The following ANKFY1 variants were observed in gnomAD, a reference collection of about 807,000 sequenced individuals.
ANKFY1 encodes the protein ankyrin repeat and FYVE domain containing 1, also known as ankyrin repeat and FYVE domain-containing protein 1.
A neutral mutation model predicts 128.3 loss-of-function variants in ANKFY1; 47 were observed. The ratio of observed to expected loss-of-function variants is 0.37; its 90% confidence interval spans 0.29 to 0.47. The LOEUF (loss-of-function observed/expected upper bound fraction) is 0.47, where lower values mean the gene tolerates loss of function less well. Ranked by LOEUF, ANKFY1 falls within the 20% of genes least tolerant of loss-of-function variation. The pLI, the probability that ANKFY1 is intolerant of heterozygous loss-of-function variation, is 1.00. For missense variants in ANKFY1, 1,222 were observed against 1,510.6 expected (o/e 0.81, Z 3.17); for synonymous variants, 553 against 601.6 (o/e 0.92, Z 1.18).
At chr17:4,229,117 T>C (rs1171293395) in intron 3 of ANKFY1, among the ~76,000 whole-genome samples, 1 of 152,182 alleles carries the variant, frequency 6.6e-6, no homozygotes, top group Non-Finnish European at 1.5e-5. Flanking sequence ...AAAAAAGTCA[T>C]AGTCTTAACC....
At chr17:4,194,458 C>CCT (rs1555627772) in intron 10 of ANKFY1, 1 of 101,938 alleles carries the variant, frequency 9.8e-6, no homozygotes. Flanking sequence ...TAATATCCAT[C>CCT]TTTTTTTTTT....
At chr17:4,210,706 C>T (rs1430856970) in intron 4 of ANKFY1, among the ~76,000 whole-genome samples, 3 of 2,834 alleles carry the variant, frequency 1.1e-3, no homozygotes, top group Non-Finnish European at 0.011. Context: ...AAAACTCTGT[C>T]GCAAAAAAAA....
chr17:4,228,543 G>A (rs1398719628), intron 3 of ANKFY1, among the ~76,000 whole-genome samples: 1 of 151,974 alleles, frequency 6.6e-6, no homozygotes, highest in Admixed American at 6.6e-5. Context: ...AGCCTCCCAA[G>A]TAGCTGAGAT....
intron 3 of ANKFY1, among the ~76,000 whole-genome samples, chr17:4,225,097 T>C (rs1435955873): frequency 6.6e-6 from 1 of 151,500 alleles, no homozygotes; most frequent in Admixed American, 6.6e-5. Context: ...GGCTCACACC[T>C]GTAATCCCAG....
chr17:4,194,787 T>C (rs2059786725), intron 10 of ANKFY1, 191 bp downstream of exon 10: 1 of 599,820 alleles, frequency 1.7e-6, no homozygotes, highest in African/African-American at 1.9e-5. Context: ...ACTTGATGTC[T>C]GCTCAATTGT....
intron 6 of ANKFY1, among the ~76,000 whole-genome samples, chr17:4,206,812 C>T (rs1347634232): frequency 2.6e-5 from 4 of 152,164 alleles, no homozygotes; most frequent in African/African-American, 9.7e-5. Context: ...TTACGGTGAA[C>T]AGCTAATGTT....
rs754744722 is a variant in ANKFY1 at position 4,170,751 on chromosome 17, G to C, written c.3250C>G (p.Gln1084Glu). Residue 1084 changes from glutamine to glutamate, a missense_variant, in exon 23 of 25, where the codon CAG (glutamine) becomes GAG (glutamate). Gln to Glu is a conservative substitution (Grantham distance 29). Transcript: ENST00000341657. Reference sequence around the variant, plus strand: ...AACAGGAGCTGCTTGGTGGCGACCTGGTAGTTGAAGATGTTGACTCCCTGG... The same window carrying C: ...AACAGGAGCTGCTTGGTGGCGACCTCGTAGTTGAAGATGTTGACTCCCTGG... ...NNQGVNIFNY[Q>E]VATKQLLFRL... The C allele has an allele frequency of 1.9e-6, 3 of 1,613,758 alleles. No homozygotes were observed. Among genetic ancestry groups the C allele is most frequent in the East Asian group, 2.2e-5 (1 of 44,900 alleles).
intron 10 of ANKFY1, among the ~76,000 whole-genome samples, chr17:4,193,350 G>A (rs1168966679): frequency 6.6e-6 from 1 of 150,500 alleles, no homozygotes; most frequent in African/African-American, 2.4e-5. Context: ...CCAACTCCTG[G>A]CCTCAAGCAA....
At chr17:4,199,593 T>C (rs1056822341) in intron 7 of ANKFY1, among the ~76,000 whole-genome samples, 1 of 152,178 alleles carries the variant, frequency 6.6e-6, no homozygotes, top group Non-Finnish European at 1.5e-5. Context: ...GGCCAAGAAT[T>C]AAGATGAAAA....
chr17:4,258,248 G>C (rs964605348), intron 1 of ANKFY1, among the ~76,000 whole-genome samples: 1 of 152,138 alleles, frequency 6.6e-6, no homozygotes, highest in African/African-American at 2.4e-5. Context: ...AAGTAGGGCC[G>C]GGCGCGGTGG....
At chr17:4,222,390 T>C (rs1431715397) in intron 3 of ANKFY1, 33 of 786,912 alleles carry the variant, frequency 4.2e-5, no homozygotes, top group Non-Finnish European at 5.9e-5. Context: ...TAGTACCCAG[T>C]GAGACAAATT....
intron 7 of ANKFY1, among the ~76,000 whole-genome samples, chr17:4,204,099 G>A (rs2059981970): frequency 6.6e-6 from 1 of 152,088 alleles, no homozygotes; most frequent in African/African-American, 2.4e-5. Context: ...TTTGTTGACA[G>A]ATTCTAATGT....
chr17:4,263,538 T>C lies in ANKFY1; in HGVS notation c.10+394A>G. ...CTTCCGCAAGCGAGGGATGGACCCC[T>C]TCCGGATGCAGAACGTGCCAGGACA... On this transcript the variant is annotated intron_variant, in intron 1 of 24. Transcript: ENST00000341657. 3 of 1,279,332 alleles carry C rather than the reference T, an allele frequency of 2.3e-6. 1 individual carries two copies. The South Asian group carries it at 3.7e-5, about 16-fold the overall frequency. 79.2% of individuals were successfully genotyped at this position (1,279,332 alleles called of 1,614,324 possible).
Position 4,217,084 on chromosome 17 carries a change from G to T in ANKFY1, c.357C>A (p.Arg119=), listed in dbSNP as rs1395538915. 6.2e-7 allele frequency: 1 copy of T among 1,613,216 alleles called. No individual in the cohort carries two copies. The highest frequency in any genetic ancestry group is 8.5e-7 in the Non-Finnish European group (1 of 1,179,686). Residue 119 remains arginine, a synonymous_variant, in exon 4 of 25, where the codon CGC becomes CGA. Coordinates refer to ENST00000341657, the MANE Select transcript of ANKFY1 (RefSeq NM_001330063.2). ...ANPEVTMTML[R]WIYTDELEFR... The stretch of plus-strand genomic sequence containing the variant: ...ACTCCAGCTCATCTGTATAGATCCA[G>T]CGAAGCATTGTCATCGTCACCTCAG...
At position 4,217,130 on chromosome 17, in the gene ANKFY1, AAGAG is replaced by A. The variant is rs750185623; in HGVS notation, c.323-16_323-13del. ...CTCAGGATTAGCATCTGGTTAAAGA[AAGAG>A]AGAACAACTGAAAAAGCATAGAATG... On this transcript the variant is annotated splice_polypyrimidine_tract_variant and intron_variant, in intron 3 of 24. Transcript: ENST00000341657. The A allele has an allele frequency of 3.1e-6, 5 of 1,605,634 alleles. No homozygotes were observed. The highest frequency in any genetic ancestry group is 1.7e-5 in the Admixed American group (1 of 59,924).
intron 5 of ANKFY1, 93 bp downstream of exon 5, chr17:4,209,730 GC>G: frequency 7.1e-7 from 1 of 1,399,352 alleles, no homozygotes; most frequent in Non-Finnish European, 9.7e-7. Context: ...AAAACCAGGT[GC>G]CAGAGAGGTC....
At chr17:4,242,184 G>T (rs949844876) in intron 2 of ANKFY1, 72 bp downstream of exon 2, 1 of 1,370,964 alleles carries the variant, frequency 7.3e-7, no homozygotes, top group Non-Finnish European at 9.6e-7. Flanking sequence ...TTGGAAGAAA[G>T]TGAATGAGAA....
chr17:4,227,209 C>T (rs1019829671), intron 3 of ANKFY1, among the ~76,000 whole-genome samples: 11 of 151,938 alleles, frequency 7.2e-5, no homozygotes, highest in African/African-American at 2.4e-4. Context: ...AATGAAGGAT[C>T]ATATAAGGCC....
intron 1 of ANKFY1, among the ~76,000 whole-genome samples, chr17:4,257,223 G>C (rs1968175541): frequency 6.6e-6 from 1 of 152,026 alleles, no homozygotes; most frequent in Non-Finnish European, 1.5e-5. Context: ...TCTCCCATCA[G>C]TCCTCACCAG....
Sources: allele counts gnomAD v4.1 joint callset (sites outside exome capture counted in the v4.1 genomes callset), GRCh38; gene constraint gnomAD v4.1.1; transcripts MANE v1.5; gene names NCBI Gene and HGNC (gene_info 2026-07-23, HGNC 2026-07-21).